Variants in SLC6A3 observed in about 807,000 individuals in gnomAD.
SLC6A3 encodes sodium-dependent dopamine transporter.
A neutral mutation model predicts 70.4 loss-of-function variants in SLC6A3; 19 were observed. The observed-to-expected ratio is 0.27, with a 90% CI of 0.19 to 0.40. The LOEUF is 0.40. Ranked by LOEUF, SLC6A3 falls within the 10% of genes least tolerant of loss-of-function variation. The pLI, the probability that SLC6A3 is intolerant of heterozygous loss-of-function variation, is 1.00. For missense variants in SLC6A3, 613 were observed against 838.5 expected (o/e 0.73, Z 3.32); for synonymous variants, 368 against 356.6 (o/e 1.03, Z -0.36).
chr5:1,441,599 T>G, intron 2 of SLC6A3, 109 bp from the exon 3 acceptor site: 1 of 1,285,852 alleles, frequency 7.8e-7, no homozygotes, highest in South Asian at 1.4e-5. Flanking sequence ...GGCCCGACCG[T>G]TTCACCCCAC....
At chr5:1,432,191 A>C (rs1438457019) in intron 4 of SLC6A3, among the ~76,000 whole-genome samples, 1 of 151,806 alleles carries the variant, frequency 6.6e-6, no homozygotes, top group Non-Finnish European at 1.5e-5. Context: ...GCCCCCTCCC[A>C]CCCTGAGCTG....
rs28363078 is a variant in SLC6A3, at chr5:1,413,838, C to T, written c.1156+853G>A. Among the ~76,000 whole-genome samples the T allele has an allele frequency of 2.0e-3, 307 of 152,326 alleles. No homozygotes were observed. Among genetic ancestry groups the T allele is most frequent in the East Asian group, 9.3e-3 (48 of 5,178 alleles). On this transcript the variant is annotated intron_variant, in intron 8 of 14. Coordinates refer to ENST00000270349, the MANE Select transcript of SLC6A3 (RefSeq NM_001044.5). This position sits in a 1 kb window ranked among gnomAD's most constrained non-coding sequence, Gnocchi z 7.1. ...CGCCACAGCTTTCCACTGCAAGCACCGGAGCCAGGCACGTGGCCCCAAGTG... is the reference window on the plus strand; with the variant it reads ...CGCCACAGCTTTCCACTGCAAGCACTGGAGCCAGGCACGTGGCCCCAAGTG...
At position 1,442,847 on chromosome 5, in the gene SLC6A3, G is replaced by C. The variant is rs1733713279; in HGVS notation, c.286+65C>G. Reference sequence around the variant, plus strand: ...TTCATCTCGTTTCCGTACGTGCCTTGGCCCCGGCTGCCCCTACGACCCCCG... The same window carrying C: ...TTCATCTCGTTTCCGTACGTGCCTTCGCCCCGGCTGCCCCTACGACCCCCG... On this transcript the variant is annotated intron_variant, in intron 2 of 14. Coordinates refer to ENST00000270349, the MANE Select transcript of SLC6A3 (RefSeq NM_001044.5). The surrounding 1 kb of genome is among the most constrained non-coding windows in gnomAD (Gnocchi z 5.0). The C allele has an allele frequency of 6.5e-7, 1 of 1,536,682 alleles. No homozygotes were observed. Among genetic ancestry groups the C allele is most frequent in the Non-Finnish European group, 9.0e-7 (1 of 1,110,916 alleles).
chr5:1,419,548 T>C (rs1756387021), intron 6 of SLC6A3, among the ~76,000 whole-genome samples: 1 of 152,238 alleles, frequency 6.6e-6, no homozygotes, highest in Non-Finnish European at 1.5e-5. Flanking sequence ...TTCTGTAACA[T>C]GCCATGGTCC....
intron 3 of SLC6A3, among the ~76,000 whole-genome samples, chr5:1,439,872 A>T (rs1756931901): frequency 6.6e-6 from 1 of 152,202 alleles, no homozygotes; most frequent in African/African-American, 2.4e-5. Flanking sequence ...CTGGGATCAA[A>T]TCCCACTCTG....
At chr5:1,410,561 C>T (rs567300155) in intron 9 of SLC6A3, among the ~76,000 whole-genome samples, 11 of 152,210 alleles carry the variant, frequency 7.2e-5, no homozygotes, top group East Asian at 5.8e-4. Context: ...GGGCTGGACC[C>T]GCCACCCCCA....
chr5:1,394,387 C>T lies in SLC6A3; in HGVS notation c.*348G>A, dbSNP rs768019193. On this transcript the variant is annotated 3_prime_UTR_variant, in exon 15 of 15. Coordinates refer to ENST00000270349, the MANE Select transcript of SLC6A3 (RefSeq NM_001044.5). This position sits in a 1 kb window ranked among gnomAD's most constrained non-coding sequence, Gnocchi z 4.7. ...TGATCCCCGCCTGAGAACACAGTGC[C>T]CCTGGGGCAGCCTCAGAGCCGGGAG... 14 of 475,232 alleles carry T rather than the reference C, an allele frequency of 2.9e-5. No homozygotes were observed. In the Middle Eastern group the frequency reaches 1.8e-3, roughly 59 times the overall value. The allele number at this position is 475,232 out of a possible 1,614,324, so 29.4% of individuals were successfully genotyped here.
At chr5:1,423,850 G>A (rs932740665) in intron 4 of SLC6A3, among the ~76,000 whole-genome samples, 5 of 152,232 alleles carry the variant, frequency 3.3e-5, no homozygotes, top group East Asian at 1.9e-4. Flanking sequence ...GACAGAAGCC[G>A]CGTTATGAAA....
intron 14 of SLC6A3, among the ~76,000 whole-genome samples, chr5:1,399,298 TG>T (rs1304106101): frequency 2.6e-5 from 4 of 152,074 alleles, no homozygotes; most frequent in African/African-American, 9.7e-5. Context: ...AAAAATACTA[TG>T]AAAAAAATAC....
In SLC6A3 at chr5:1,414,761, G is replaced by A. The variant is rs28363072; in HGVS notation, c.1086C>T (p.Phe362=). The part of the protein sequence containing the change: ...INSLTSFSSG[F]VVFSFLGYMA... The stretch of plus-strand genomic sequence containing the variant: ...TGTACCCCAGGAAGGAGAAGACGAC[G>A]AAGCCGGAGGAGAAGCTCGTCAGGG... The change falls in exon 8 of 15, where the codon TTC becomes TTT. Residue 362 remains phenylalanine, a synonymous_variant. Coordinates refer to ENST00000270349, the MANE Select transcript of SLC6A3 (RefSeq NM_001044.5). 2.6e-4 allele frequency: 418 copies of A among 1,612,920 alleles called. 2 individuals carry two copies. In the Admixed American group the frequency reaches 3.8e-3, roughly 15 times the overall value.
chr5:1,407,017 C>T (rs1755999069), intron 11 of SLC6A3, among the ~76,000 whole-genome samples: 1 of 152,240 alleles, frequency 6.6e-6, no homozygotes, highest in African/African-American at 2.4e-5. Context: ...AGTATACCGT[C>T]ACTGTGTCTT....
In SLC6A3 at chr5:1,438,121, A is replaced by G. The variant is rs1304591397; in HGVS notation, c.418+3238T>C. 6.6e-6 allele frequency among the ~76,000 whole-genome samples: 1 copy of G among 152,236 alleles called. No homozygotes were observed. Among genetic ancestry groups the G allele is most frequent in the Non-Finnish European group, 1.5e-5 (1 of 68,042 alleles). On this transcript the variant is annotated intron_variant, in intron 3 of 14. Coordinates refer to ENST00000270349, the MANE Select transcript of SLC6A3 (RefSeq NM_001044.5). The surrounding 1 kb of genome is among the most constrained non-coding windows in gnomAD (Gnocchi z 6.5). ...AACTCAAGGTGTCTCGTCTCTAAAAAGAAGTCCAGCTTTCTTGCACTGATT... is the reference window on the plus strand; with the variant it reads ...AACTCAAGGTGTCTCGTCTCTAAAAGGAAGTCCAGCTTTCTTGCACTGATT...
intron 3 of SLC6A3, 24 bp downstream of exon 3, chr5:1,441,335 T>C (rs1201308597): frequency 1.2e-6 from 2 of 1,613,922 alleles, no homozygotes. Flanking sequence ...TGCGCCAGGG[T>C]GAAGGGAGGC....
Position 1,443,124 on chromosome 5 carries a change from C to G in SLC6A3, c.74G>C (p.Gly25Ala). The G allele has an allele frequency of 1.9e-6, 3 of 1,614,248 alleles. No homozygotes were observed. The highest frequency in any genetic ancestry group is 1.1e-5 in the South Asian group (1 of 91,090). ...VAPAKEPNAVGPKEVELILVK... is the reference protein window; with the variant it reads ...VAPAKEPNAVAPKEVELILVK... ...AAGGATGAGCTCCACCTCCTTCGGG[C>G]CCACGGCATTGGGCTCCTTAGCCGG... is the stretch of plus-strand genomic sequence containing the variant. Residue 25 changes from glycine to alanine, a missense_variant, in exon 2 of 15, where the codon GGC becomes GCC. Coordinates refer to ENST00000270349, the MANE Select transcript of SLC6A3 (RefSeq NM_001044.5).
At position 1,422,610 on chromosome 5, in the gene SLC6A3, A is replaced by G. The variant is rs1279413483; in HGVS notation, c.654-596T>C. On this transcript the variant is annotated intron_variant, in intron 4 of 14. Transcript: ENST00000270349. ...TACCCACCGCTGCCCAGTGCTGCCC[A>G]TGGTGCTGGGTGCCCACCGCTGCCC... is the stretch of plus-strand genomic sequence containing the variant. 2.1e-5 allele frequency among the ~76,000 whole-genome samples: 2 copies of G among 96,972 alleles called. 1 individual carries two copies. The highest frequency in any genetic ancestry group is 3.9e-5 in the Non-Finnish European group (2 of 50,716). The allele number at this position is 96,972 out of a possible 152,430, so 63.6% of individuals were successfully genotyped here.
chr5:1,440,378 CATAG>C (rs1435308397), intron 3 of SLC6A3, among the ~76,000 whole-genome samples: 1 of 151,610 alleles, frequency 6.6e-6, no homozygotes, highest in Non-Finnish European at 1.5e-5. Flanking sequence ...ATGATAGATC[CATAG>C]ATAGATGAAT....
chr5:1,415,984 T>C (rs1232803847), intron 7 of SLC6A3, 114 bp downstream of exon 7: 38 of 796,408 alleles, frequency 4.8e-5, no homozygotes, highest in Non-Finnish European at 7.7e-5. Flanking sequence ...AGCTCACAGG[T>C]TTGCGGGTTC....
intron 7 of SLC6A3, 137 bp from the exon 8 acceptor site, chr5:1,414,952 C>G: frequency 2.8e-6 from 3 of 1,084,110 alleles, no homozygotes; most frequent in Admixed American, 1.9e-5. Context: ...CCAGTGAGCA[C>G]GGCCAGCTCC....
rs185260055 is a variant in SLC6A3 at position 1,441,734 on chromosome 5, C to T, written c.287-244G>A. On this transcript the variant is annotated intron_variant, in intron 2 of 14. Coordinates refer to ENST00000270349, the MANE Select transcript of SLC6A3 (RefSeq NM_001044.5). ...GCGCACCTCGAGCCATGAAGTCAAA[C>T]CCAAGAGCAGCACAGGGAGGCCCTG... 2.0e-5 allele frequency among the ~76,000 whole-genome samples: 3 copies of T among 152,328 alleles called. No homozygotes were observed. In the East Asian group the frequency reaches 5.8e-4, roughly 29 times the overall value.
Sources: gnomAD v4.1 joint callset for allele counts (sites outside exome capture counted in the v4.1 genomes callset) on GRCh38, gnomAD v4.1.1 for gene constraint, Gnocchi (gnomAD v3.1) non-coding constraint, MANE v1.5 for transcripts, NCBI Gene and HGNC (gene_info 2026-07-23, HGNC 2026-07-21) for gene names.